The following KIF6 variants were observed in gnomAD, a reference collection of about 807,000 sequenced individuals.
KIF6 encodes the protein kinesin family member 6.
Under a neutral mutation model 112.7 loss-of-function variants are expected in KIF6, and 106 were observed. The observed-to-expected ratio is 0.94, with a 90% CI of 0.80 to 1.11. The LOEUF is 1.11. Among genes scored for constraint, KIF6 ranks in the 50% least tolerant of loss-of-function variants. KIF6 has a pLI of 0.00. For synonymous variants in KIF6, 339 were observed against 339.9 expected (o/e 1.00, Z 0.03); for missense variants, 929 against 964.0 (o/e 0.96, Z 0.48).
At chr6:39,353,216 A>G (rs78268060) in intron 19 of KIF6, among the ~76,000 whole-genome samples, 1,791 of 152,290 alleles carry the variant, frequency 0.012, 43 homozygotes, top group African/African-American at 0.04. Context: ...ATTGCTCAAC[A>G]TCCTCACTGG....
intron 7 of KIF6, among the ~76,000 whole-genome samples, chr6:39,595,787 G>T (rs1454663878): frequency 6.6e-6 from 1 of 152,148 alleles, no homozygotes; most frequent in Admixed American, 6.6e-5. Flanking sequence ...GAGTAGAGAT[G>T]ACCAGGGACT....
At chr6:39,708,987 A>T (rs1298048976) in intron 3 of KIF6, among the ~76,000 whole-genome samples, 1 of 152,184 alleles carries the variant, frequency 6.6e-6, no homozygotes, top group Non-Finnish European at 1.5e-5. Context: ...TTATAAAAAA[A>T]TTCATCCAGA....
intron 5 of KIF6, among the ~76,000 whole-genome samples, chr6:39,616,358 T>C (rs573838517): frequency 3.7e-4 from 57 of 152,318 alleles, no homozygotes; most frequent in African/African-American, 1.3e-3. Context: ...AACTCTCGGC[T>C]ATCTTTTGTA....
intron 13 of KIF6, among the ~76,000 whole-genome samples, chr6:39,516,560 AC>A (rs1777097182): frequency 6.6e-6 from 1 of 151,336 alleles, no homozygotes; most frequent in Admixed American, 6.6e-5. Flanking sequence ...TCTCATACCC[AC>A]AGTTATTACT....
intron 10 of KIF6, among the ~76,000 whole-genome samples, chr6:39,550,285 A>G (rs202145992): frequency 1.3e-5 from 2 of 152,104 alleles, no homozygotes; most frequent in Non-Finnish European, 2.9e-5. Context: ...TGGCTGTGGG[A>G]AAGTTGGGAG....
At chr6:39,583,674 CTT>C (rs564229262) in intron 9 of KIF6, among the ~76,000 whole-genome samples, 4 of 71,686 alleles carry the variant, frequency 5.6e-5, no homozygotes, top group African/African-American at 2.0e-4. Flanking sequence ...GATTTCACTT[CTT>C]TTTTTTTTTT....
At position 39,720,822 on chromosome 6, in the gene KIF6, G is replaced by A. The variant is rs1157991023; in HGVS notation, c.67-11C>T. On this transcript the variant is annotated splice_polypyrimidine_tract_variant and intron_variant, in intron 1 of 22. Coordinates refer to ENST00000287152, the MANE Select transcript of KIF6 (RefSeq NM_145027.6). ...ATCTATGGAATAAATCTGCAAATGT[G>A]AAGACAACAAATGGATATAAAATGG... 2 of 1,178,640 alleles carry A rather than the reference G, an allele frequency of 1.7e-6. No homozygotes were observed. The highest frequency in any genetic ancestry group is 1.5e-5 in the African/African-American group (1 of 66,470). The allele number at this position is 1,178,640 out of a possible 1,614,324, so 73.0% of individuals were successfully genotyped here.
In KIF6 at chr6:39,343,855, A is replaced by G; in HGVS notation, c.2322-40T>C. 8.5e-7 allele frequency: 1 copy of G among 1,179,934 alleles called. No homozygotes were observed. Among genetic ancestry groups the G allele is most frequent in the Non-Finnish European group, 1.2e-6 (1 of 816,840 alleles). The allele number at this position is 1,179,934 out of a possible 1,614,324, so 73.1% of individuals were successfully genotyped here. On this transcript the variant is annotated intron_variant, in intron 21 of 22. Coordinates refer to ENST00000287152, the MANE Select transcript of KIF6 (RefSeq NM_145027.6). This position sits in a 1 kb window ranked among gnomAD's most constrained non-coding sequence, Gnocchi z 4.1. ...GTGTCACATTTTACTACACTTTACA[A>G]CTGGACTCACCACTTATATTTCCAA...
chr6:39,557,958 C>T (rs1267474186), intron 10 of KIF6, among the ~76,000 whole-genome samples: 1 of 148,892 alleles, frequency 6.7e-6, no homozygotes, highest in East Asian at 2.0e-4. Context: ...TTTTTTTGCC[C>T]GTTATCACTT....
chr6:39,470,446 G>T (rs1340887442), intron 13 of KIF6, among the ~76,000 whole-genome samples: 1 of 152,128 alleles, frequency 6.6e-6, no homozygotes, highest in Non-Finnish European at 1.5e-5. Flanking sequence ...ACATCCAGTG[G>T]TGTATCTTAA....
intron 15 of KIF6, among the ~76,000 whole-genome samples, chr6:39,399,344 C>T (rs1288960147): frequency 6.6e-6 from 1 of 152,170 alleles, no homozygotes; most frequent in Non-Finnish European, 1.5e-5. Flanking sequence ...TGAATGGAGA[C>T]TTTCATCCAG....
chr6:39,509,915 A>G (rs894704241), intron 13 of KIF6, among the ~76,000 whole-genome samples: 5 of 152,142 alleles, frequency 3.3e-5, no homozygotes, highest in African/African-American at 1.2e-4. Flanking sequence ...GAGCAACCCC[A>G]AGACATATAA....
chr6:39,454,990 G>T (rs1490498829), intron 13 of KIF6, among the ~76,000 whole-genome samples: 5 of 148,700 alleles, frequency 3.4e-5, no homozygotes, highest in African/African-American at 9.8e-5. Flanking sequence ...CAAAGCAGCC[G>T]GGAAGCTCGA....
intron 20 of KIF6, among the ~76,000 whole-genome samples, chr6:39,346,104 CCCCTCCCTCT>C (rs1763747050): frequency 2.4e-5 from 1 of 40,962 alleles, no homozygotes; most frequent in Non-Finnish European, 4.4e-5. Context: ...TCTCCCTCCC[CCCCTCCCTCT>C]CCCTCTCCCT....
At chr6:39,517,481 C>T (rs891465573) in intron 13 of KIF6, among the ~76,000 whole-genome samples, 4 of 152,166 alleles carry the variant, frequency 2.6e-5, no homozygotes, top group African/African-American at 9.7e-5. Context: ...ACCTATGGCA[C>T]TGTCATCTCC....
intron 10 of KIF6, 66 bp from the exon 11 acceptor site, chr6:39,545,754 T>G (rs1177401454): frequency 3.2e-6 from 3 of 942,844 alleles, no homozygotes; most frequent in Non-Finnish European, 5.2e-6. Flanking sequence ...AATGGCATTA[T>G]CTAGTTGGTT....
At chr6:39,607,114 T>C (rs1426253749) in intron 6 of KIF6, among the ~76,000 whole-genome samples, 1 of 152,192 alleles carries the variant, frequency 6.6e-6, no homozygotes, top group Non-Finnish European at 1.5e-5. Flanking sequence ...AAAAGTGACT[T>C]TCATATGCTA....
chr6:39,623,449 T>C (rs1783932381), intron 5 of KIF6, among the ~76,000 whole-genome samples: 1 of 152,212 alleles, frequency 6.6e-6, no homozygotes, highest in Admixed American at 6.5e-5. Flanking sequence ...AGTCTTCTTT[T>C]ACTTTCACAG....
At chr6:39,503,413 G>A (rs1048983552) in intron 13 of KIF6, among the ~76,000 whole-genome samples, 2 of 151,170 alleles carry the variant, frequency 1.3e-5, no homozygotes, top group African/African-American at 2.4e-5. Context: ...TTAACAACCT[G>A]AGATCACAAC....
Sources: gnomAD v4.1 joint callset for allele counts (sites outside exome capture counted in the v4.1 genomes callset) on GRCh38, gnomAD v4.1.1 for gene constraint, Gnocchi (gnomAD v3.1) non-coding constraint, MANE v1.5 for transcripts, NCBI Gene and HGNC (gene_info 2026-07-23, HGNC 2026-07-21) for gene names.